Variants in RASGRF2 observed in about 807,000 individuals in gnomAD.
RASGRF2 encodes ras-specific guanine nucleotide-releasing factor 2.
RASGRF2 carries 76 observed loss-of-function variants against 151.0 expected under a neutral mutation model. The observed-to-expected ratio is 0.50, with a 90% CI of 0.42 to 0.61. The LOEUF is 0.61. RASGRF2 is among the 20% of genes least tolerant of loss of function. The pLI, the probability that RASGRF2 is intolerant of heterozygous loss-of-function variation, is 0.00. For synonymous variants in RASGRF2, 504 were observed against 566.5 expected (o/e 0.89, Z 1.57); for missense variants, 1,148 against 1,564.6 (o/e 0.73, Z 4.49).
intron 18 of RASGRF2, among the ~76,000 whole-genome samples, chr5:81,201,012 G>T (rs1264156888): frequency 6.6e-6 from 1 of 152,122 alleles, no homozygotes; most frequent in African/African-American, 2.4e-5. Flanking sequence ...GAAGAGGCTG[G>T]AGGGGTGGGC....
chr5:81,174,511 T>G (rs1226743931), intron 17 of RASGRF2, among the ~76,000 whole-genome samples: 1 of 152,130 alleles, frequency 6.6e-6, no homozygotes, highest in Admixed American at 6.5e-5. Context: ...AAGAGAGTGT[T>G]TGGCGACAGA....
At chr5:81,125,248 A>C (rs1376013299) in intron 16 of RASGRF2, among the ~76,000 whole-genome samples, 1 of 152,156 alleles carries the variant, frequency 6.6e-6, no homozygotes, top group African/African-American at 2.4e-5. Flanking sequence ...CAAAAGGTAA[A>C]GTATATGGCT....
intron 17 of RASGRF2, among the ~76,000 whole-genome samples, chr5:81,167,238 A>T (rs1754533051): frequency 6.6e-6 from 1 of 152,178 alleles, no homozygotes; most frequent in Admixed American, 6.5e-5. Flanking sequence ...CAGTTAGAAG[A>T]ACTCACTGTA....
chr5:81,193,410 A>G (rs1580394940), intron 18 of RASGRF2, among the ~76,000 whole-genome samples: 2 of 152,356 alleles, frequency 1.3e-5, no homozygotes, highest in East Asian at 3.9e-4. Flanking sequence ...TCAAATGGTC[A>G]TCAGTGAAGG....
intron 18 of RASGRF2, among the ~76,000 whole-genome samples, chr5:81,199,539 C>T (rs1330247378): frequency 6.6e-6 from 1 of 152,186 alleles, no homozygotes; most frequent in South Asian, 2.1e-4. Flanking sequence ...CTTCATTCAA[C>T]CATTTTAGCA....
intron 1 of RASGRF2, among the ~76,000 whole-genome samples, chr5:80,996,216 A>G (rs997549306): frequency 6.6e-6 from 1 of 152,074 alleles, no homozygotes; most frequent in Non-Finnish European, 1.5e-5. Context: ...CAATTTTTGC[A>G]CTTTGTAGAA....
chr5:81,189,114 C>T (rs1200947129), intron 18 of RASGRF2, among the ~76,000 whole-genome samples: 1 of 152,210 alleles, frequency 6.6e-6, no homozygotes, highest in Non-Finnish European at 1.5e-5. Context: ...CACTGCACCT[C>T]CCAGGCTGAG....
Position 81,042,964 on chromosome 5 carries a change from G to A in RASGRF2, c.376G>A (p.Glu126Lys). ...GGAGCAGGATGGTAAAGAGTGGATG[G>A]AGGCCATTCACCAAGCCAGGTATAG... ...EEEQDGKEWM[E>K]AIHQASYADI... Residue 126 changes from glutamate (E) to lysine (K), a missense_variant, in exon 2 of 27, where the codon GAG becomes AAG. Coordinates refer to ENST00000265080, the MANE Select transcript of RASGRF2 (RefSeq NM_006909.3). 6.2e-7 allele frequency: 1 copy of A among 1,612,120 alleles called. No individual in the cohort carries two copies. The highest frequency in any genetic ancestry group is 8.5e-7 in the Non-Finnish European group (1 of 1,179,366).
chr5:80,988,615 T>G (rs1446204916), intron 1 of RASGRF2, among the ~76,000 whole-genome samples: 1 of 152,242 alleles, frequency 6.6e-6, no homozygotes, highest in East Asian at 1.9e-4. Context: ...ATGCTGACTT[T>G]GCCAGGTATT....
intron 1 of RASGRF2, among the ~76,000 whole-genome samples, chr5:81,003,278 A>G (rs1001278356): frequency 3.5e-5 from 5 of 144,310 alleles, no homozygotes; most frequent in African/African-American, 5.2e-5. Context: ...GCTGGAGTGC[A>G]ATGGCGCGAT....
At chr5:81,182,136 C>T (rs1286729138) in intron 18 of RASGRF2, among the ~76,000 whole-genome samples, 1 of 152,196 alleles carries the variant, frequency 6.6e-6, no homozygotes, top group Non-Finnish European at 1.5e-5. Context: ...GCTTGTCCAT[C>T]TCCAATTCCA....
intron 20 of RASGRF2, 74 bp from the exon 21 acceptor site, chr5:81,207,172 T>C: frequency 1.0e-5 from 13 of 1,241,414 alleles, no homozygotes; most frequent in Non-Finnish European, 1.5e-5. Context: ...TGCAGCTGTC[T>C]GCCTCACTGA....
At chr5:81,011,255 A>T (rs772491519) in intron 1 of RASGRF2, among the ~76,000 whole-genome samples, 53 of 151,428 alleles carry the variant, frequency 3.5e-4, no homozygotes, top group East Asian at 5.8e-4. Flanking sequence ...TGTCCTATTT[A>T]TGTTGGTACA....
intron 17 of RASGRF2, among the ~76,000 whole-genome samples, chr5:81,136,934 G>GT (rs60615364): frequency 0.58 from 87,776 of 151,664 alleles, 27,650 homozygotes; most frequent in East Asian, 0.81. Context: ...CCGTGTCTGT[G>GT]TTTTTTTATG....
At chr5:81,127,842 T>G (rs1437790723) in intron 17 of RASGRF2, among the ~76,000 whole-genome samples, 1 of 146,378 alleles carries the variant, frequency 6.8e-6, no homozygotes, top group Non-Finnish European at 1.5e-5. Context: ...GAGAATCATT[T>G]GAACCTGGGA....
chr5:81,151,790 C>G (rs552134903), intron 17 of RASGRF2, among the ~76,000 whole-genome samples: 2 of 152,246 alleles, frequency 1.3e-5, no homozygotes, highest in African/African-American at 4.8e-5. Flanking sequence ...GGACCATATC[C>G]AGGACTACAC....
chr5:81,219,148 G>A (rs1417405533), intron 25 of RASGRF2, among the ~76,000 whole-genome samples: 4 of 150,824 alleles, frequency 2.7e-5, no homozygotes, highest in African/African-American at 4.9e-5. Flanking sequence ...ACATGATCTC[G>A]GCTCACTGCA....
At chr5:81,149,248 G>C (rs1454970753) in intron 17 of RASGRF2, among the ~76,000 whole-genome samples, 1 of 152,214 alleles carries the variant, frequency 6.6e-6, no homozygotes, top group African/African-American at 2.4e-5. Context: ...CAACCAATGA[G>C]TGGATGAAGA....
At position 81,068,103 on chromosome 5, in the gene RASGRF2, C is replaced by T; in HGVS notation, c.467C>T (p.Thr156Ile). ...ATTCATCTAGTTCAGATCGTAGAGA[C>T]AGAAAAAATTGCAGCTAACCAACTC... ...KYIHLVQIVE[T>I]EKIAANQLRH... The change falls in exon 3 of 27, where the codon ACA (threonine) becomes ATA (isoleucine). Residue 156 changes from threonine to isoleucine, a missense_variant. Coordinates refer to ENST00000265080, the MANE Select transcript of RASGRF2 (RefSeq NM_006909.3). 6.2e-7 allele frequency: 1 copy of T among 1,613,814 alleles called. No individual in the cohort carries two copies.
Sources: allele counts gnomAD v4.1 joint callset (sites outside exome capture counted in the v4.1 genomes callset), GRCh38; gene constraint gnomAD v4.1.1; transcripts MANE v1.5; gene names NCBI Gene and HGNC (gene_info 2026-07-23, HGNC 2026-07-21).